PPFIBP1: variants seen among roughly 807,000 people sequenced by gnomAD.
PPFIBP1 encodes the protein liprin-beta-1.
A neutral mutation model predicts 137.8 loss-of-function variants in PPFIBP1; 112 were observed. That is an observed-to-expected ratio of 0.81 (90% confidence interval 0.70 to 0.95). PPFIBP1 has a LOEUF of 0.95. Among genes scored for constraint, PPFIBP1 ranks in the 40% least tolerant of loss-of-function variants. The pLI, the probability that PPFIBP1 is intolerant of heterozygous loss-of-function variation, is 0.00. For missense variants in PPFIBP1, 1,083 were observed against 1,196.6 expected (o/e 0.91, Z 1.40); for synonymous variants, 378 against 417.3 (o/e 0.91, Z 1.15).
chr12:27,547,009 A>G (rs1338622235), intron 1 of PPFIBP1: 3 of 152,446 alleles, frequency 2.0e-5, no homozygotes, highest in Admixed American at 2.0e-4. Flanking sequence ...CTCAAAAAAC[A>G]AAAACAAATA....
chr12:27,576,329 G>T (rs2050557355), intron 1 of PPFIBP1, among the ~76,000 whole-genome samples: 2 of 152,142 alleles, frequency 1.3e-5, no homozygotes, highest in Non-Finnish European at 2.9e-5. Flanking sequence ...CAGCAAAGAG[G>T]CTGGTGGGGA....
At position 27,674,176 on chromosome 12, in the gene PPFIBP1, T is replaced by C. The variant is rs1245438927; in HGVS notation, c.1381-16T>C. The C allele has an allele frequency of 1.2e-5, 19 of 1,586,704 alleles. No individual in the cohort carries two copies. Among genetic ancestry groups the C allele is most frequent in the Non-Finnish European group, 1.5e-5 (18 of 1,164,212 alleles). The stretch of plus-strand genomic sequence containing the variant: ...ATTTCCCTAACAACCTTAAATATTG[T>C]TATTGCTTTGAACAGGAAAAGGAAA... On this transcript the variant is annotated splice_polypyrimidine_tract_variant and intron_variant, in intron 16 of 29. Coordinates refer to ENST00000228425, the MANE Select transcript of PPFIBP1 (RefSeq NM_003622.4).
intron 2 of PPFIBP1, among the ~76,000 whole-genome samples, chr12:27,595,359 C>A (rs1482856123): frequency 6.6e-6 from 1 of 152,164 alleles, no homozygotes; most frequent in African/African-American, 2.4e-5. Flanking sequence ...GCTGCTAACT[C>A]CTGAGGCAAG....
intron 1 of PPFIBP1, among the ~76,000 whole-genome samples, chr12:27,532,950 G>A (rs1944569837): frequency 6.6e-6 from 1 of 152,094 alleles, no homozygotes; most frequent in Non-Finnish European, 1.5e-5. Flanking sequence ...GGGTATATGG[G>A]CAAGGGGAGG....
At chr12:27,672,895 T>A (rs565945372) in intron 15 of PPFIBP1, among the ~76,000 whole-genome samples, 1 of 152,180 alleles carries the variant, frequency 6.6e-6, no homozygotes, top group Admixed American at 6.5e-5. Context: ...TGACCTAATA[T>A]CTGTGTTTAT....
In PPFIBP1 at chr12:27,684,267, C is replaced by T. The variant is rs150890041; in HGVS notation, c.2247+1564C>T. On this transcript the variant is annotated intron_variant, in intron 24 of 29. Coordinates refer to ENST00000228425, the MANE Select transcript of PPFIBP1 (RefSeq NM_003622.4). ...GGGATTACAGGTGCACACCACTGCTCCTGGCTAATTTTTGTGTTTTTGGTG... is the reference window on the plus strand; with the variant it reads ...GGGATTACAGGTGCACACCACTGCTTCTGGCTAATTTTTGTGTTTTTGGTG... Among the ~76,000 whole-genome samples, 461 of 152,084 alleles carry T rather than the reference C, an allele frequency of 3.0e-3. 4 individuals are homozygous for T. Among genetic ancestry groups the T allele is most frequent in the African/African-American group, 0.011 (446 of 41,486 alleles).
At chr12:27,651,368 A>G (rs1020213573) in intron 7 of PPFIBP1, among the ~76,000 whole-genome samples, 5 of 152,060 alleles carry the variant, frequency 3.3e-5, no homozygotes, top group African/African-American at 1.2e-4. Flanking sequence ...TGGCCTCCCA[A>G]AAGCACTGAG....
At chr12:27,691,491 A>G (rs2061540428) in intron 27 of PPFIBP1, among the ~76,000 whole-genome samples, 1 of 152,230 alleles carries the variant, frequency 6.6e-6, no homozygotes, top group Non-Finnish European at 1.5e-5. Context: ...TTTGGCGTGA[A>G]TAAGAAGAAT....
intron 1 of PPFIBP1, among the ~76,000 whole-genome samples, chr12:27,576,984 C>G (rs2050620170): frequency 6.6e-6 from 1 of 152,020 alleles, no homozygotes; most frequent in African/African-American, 2.4e-5. Context: ...ATTGAGCTTG[C>G]CTGTTTACAT....
In PPFIBP1 at chr12:27,693,315, A is replaced by G. The variant is rs2061654371; in HGVS notation, c.*433A>G. On this transcript the variant is annotated 3_prime_UTR_variant, in exon 30 of 30. Transcript: ENST00000228425. ...ATATGTGGAACTTCTTTAAGCATTC[A>G]GTGTGCCCACTAAATGCCAGCCACA... 1 of 154,548 alleles carries G rather than the reference A, an allele frequency of 6.5e-6. No individual in the cohort carries two copies. 9.6% of individuals were successfully genotyped at this position (154,548 alleles called of 1,614,324 possible).
intron 21 of PPFIBP1, among the ~76,000 whole-genome samples, chr12:27,680,490 C>T (rs1408270987): frequency 6.6e-6 from 1 of 152,324 alleles, no homozygotes. Context: ...CCCTGTGCCT[C>T]AGTCTCCTCA....
chr12:27,611,849 T>C (rs757848456), intron 2 of PPFIBP1, among the ~76,000 whole-genome samples: 2 of 151,816 alleles, frequency 1.3e-5, no homozygotes, highest in Admixed American at 6.6e-5. Context: ...GGCCAAAAAA[T>C]GTTAGGTAAA....
chr12:27,574,065 A>G (rs190743150), intron 1 of PPFIBP1, among the ~76,000 whole-genome samples: 2 of 152,032 alleles, frequency 1.3e-5, no homozygotes, highest in Non-Finnish European at 2.9e-5. Flanking sequence ...ATTTAGTGCT[A>G]TGTTTTCTCT....
chr12:27,594,264 A>C (rs1364876487), intron 2 of PPFIBP1, among the ~76,000 whole-genome samples: 6 of 123,756 alleles, frequency 4.8e-5, no homozygotes, highest in Non-Finnish European at 8.2e-5. Context: ...TGCAACCTCC[A>C]CCTCCTGGGT....
chr12:27,602,525 C>T (rs12319361), intron 2 of PPFIBP1, among the ~76,000 whole-genome samples: 22,275 of 152,192 alleles, frequency 0.15, 2,153 homozygotes, highest in African/African-American at 0.26. Context: ...GGTCTGAGGG[C>T]ACCCTTTGAA....
chr12:27,544,706 C>A (rs569783833), intron 1 of PPFIBP1, among the ~76,000 whole-genome samples: 1 of 152,128 alleles, frequency 6.6e-6, no homozygotes, highest in South Asian at 2.1e-4. Context: ...CATCTCACGC[C>A]CGTTAGAATG....
At position 27,664,450 on chromosome 12, in the gene PPFIBP1, G is replaced by C; in HGVS notation, c.991+4G>C. On this transcript the variant is annotated splice_donor_region_variant and intron_variant, in intron 12 of 29. Transcript: ENST00000228425. The stretch of plus-strand genomic sequence containing the variant: ...GTACTGGCCCAAGGTAAAAAAGGTA[G>C]AGTGTAGCTCTAAAAGTTTTTCTAC... The C allele has an allele frequency of 6.3e-7, 1 of 1,599,806 alleles. No homozygotes were observed. Among genetic ancestry groups the C allele is most frequent in the Non-Finnish European group, 8.5e-7 (1 of 1,172,064 alleles).
intron 1 of PPFIBP1, among the ~76,000 whole-genome samples, chr12:27,555,262 A>T (rs1029937252): frequency 6.6e-6 from 1 of 152,184 alleles, no homozygotes; most frequent in Non-Finnish European, 1.5e-5. Context: ...CTTCAGAGAG[A>T]TAGAATGGTG....
At chr12:27,640,636 C>T (rs536364113) in intron 4 of PPFIBP1, among the ~76,000 whole-genome samples, 11 of 151,198 alleles carry the variant, frequency 7.3e-5, no homozygotes, top group Non-Finnish European at 1.6e-4. Flanking sequence ...CATTCCACCA[C>T]ACCCAGTGAG....
Sources: allele counts gnomAD v4.1 joint callset (sites outside exome capture counted in the v4.1 genomes callset), GRCh38; gene constraint gnomAD v4.1.1; transcripts MANE v1.5; gene names NCBI Gene and HGNC (gene_info 2026-07-23, HGNC 2026-07-21).